The following LONP1 variants were observed in gnomAD, a reference collection of about 807,000 sequenced individuals.
LONP1 encodes the protein lon protease homolog, mitochondrial.
LONP1 carries 31 observed loss-of-function variants against 98.5 expected under a neutral mutation model. That is an observed-to-expected ratio of 0.31 (90% CI 0.24 to 0.42). LONP1 has a LOEUF of 0.42. Ranked by LOEUF, LONP1 falls within the 20% of genes least tolerant of loss-of-function variation. The pLI is 1.00. For synonymous variants in LONP1, 781 were observed against 594.7 expected (o/e 1.31, Z -4.56); for missense variants, 1,336 against 1,350.6 (o/e 0.99, Z 0.17).
At chr19:5,701,155 C>T (rs2055033991) in intron 8 of LONP1, among the ~76,000 whole-genome samples, 1 of 152,156 alleles carries the variant, frequency 6.6e-6, no homozygotes, top group South Asian at 2.1e-4. Flanking sequence ...CTCTATAAAA[C>T]AATTTACAGG....
intron 10 of LONP1, among the ~76,000 whole-genome samples, chr19:5,697,780 G>C (rs932425292): frequency 6.6e-6 from 1 of 151,960 alleles, no homozygotes; most frequent in African/African-American, 2.4e-5. Flanking sequence ...GGAACCCAGA[G>C]ACGTCAGCAG....
At chr19:5,716,259 C>CATACATAT (rs1555714148) in intron 1 of LONP1, among the ~76,000 whole-genome samples, 4 of 77,218 alleles carry the variant, frequency 5.2e-5, no homozygotes, top group Admixed American at 1.5e-4. Context: ...TTAAAATATA[C>CATACATAT]ATATATATAT....
chr19:5,696,398 C>G, intron 11 of LONP1, 27 bp from the exon 12 acceptor site: 1 of 1,608,202 alleles, frequency 6.2e-7, no homozygotes. Context: ...CAGGTGGTGC[C>G]CCTCGCCGTG....
chr19:5,711,287 G>A (rs2055233278), intron 4 of LONP1, among the ~76,000 whole-genome samples: 1 of 152,214 alleles, frequency 6.6e-6, no homozygotes, highest in Non-Finnish European at 1.5e-5. Flanking sequence ...ACAGCGGGAG[G>A]GCAGGTGGCA....
Position 5,719,770 on chromosome 19 carries a change from A to G in LONP1, c.363T>C (p.Phe121=), listed in dbSNP as rs778657113. The G allele has an allele frequency of 2.5e-6, 4 of 1,613,332 alleles. No individual in the cohort carries two copies. Among genetic ancestry groups the G allele is most frequent in the Non-Finnish European group, 3.4e-6 (4 of 1,179,990 alleles). ...TGATGGCGATGAGCGGCAGGTGCGG[A>G]AACACATCGGGGATCGTCATGGGCG... ...ALTPMTIPDV[F]PHLPLIAITR... The change falls in exon 1 of 18, where the codon TTT becomes TTC. Residue 121 remains phenylalanine (F), a synonymous_variant. Coordinates refer to ENST00000360614, the MANE Select transcript of LONP1 (RefSeq NM_004793.4).
At chr19:5,700,485 C>T (rs2055020380) in intron 9 of LONP1, among the ~76,000 whole-genome samples, 1 of 152,094 alleles carries the variant, frequency 6.6e-6, no homozygotes, top group South Asian at 2.1e-4. Flanking sequence ...GGCATGATCA[C>T]AGCTCACCAC....
In LONP1 at chr19:5,693,671, C is replaced by T. The variant is rs745582523; in HGVS notation, c.2419G>A (p.Gly807Arg). The change falls in exon 16 of 18, where the codon GGG becomes AGG. Residue 807 changes from glycine (G) to arginine (R), a missense_variant. By Grantham distance (125) the Gly-to-Arg change is moderately radical. Around this residue, in one of 5 missense-constraint regions of LONP1, gnomAD observed 555 missense variants for 542.6 expected, o/e 1.02. Transcript: ENST00000360614. ...DGSLEVTGQL[G>R]EVMKESARIA... Reference sequence around the variant, plus strand: ...CGGGCGCTCTCCTTCATCACCTCCCCCAGCTGGCCTGTCACCTCCAGGCTG... The same window carrying T: ...CGGGCGCTCTCCTTCATCACCTCCCTCAGCTGGCCTGTCACCTCCAGGCTG... 2.5e-6 allele frequency: 4 copies of T among 1,614,134 alleles called. No individual in the cohort carries two copies. Among genetic ancestry groups the T allele is most frequent in the East Asian group, 2.2e-5 (1 of 44,876 alleles).
chr19:5,695,196 C>T (rs1475884137), intron 13 of LONP1, among the ~76,000 whole-genome samples: 1 of 152,128 alleles, frequency 6.6e-6, no homozygotes, highest in Non-Finnish European at 1.5e-5. Flanking sequence ...GCCCCATACA[C>T]AGACCCAGGG....
chr19:5,692,823 CCTGA>C (rs563008159), intron 17 of LONP1, among the ~76,000 whole-genome samples: 242 of 152,236 alleles, frequency 1.6e-3, no homozygotes, highest in Non-Finnish European at 2.4e-3. Flanking sequence ...GGTGGCATCT[CCTGA>C]CTGACTGCAC....
At position 5,696,238 on chromosome 19, in the gene LONP1, A is replaced by G. The variant is rs199645764; in HGVS notation, c.1896+11T>C. The G allele has an allele frequency of 6.8e-6, 11 of 1,612,996 alleles. No individual in the cohort carries two copies. Among genetic ancestry groups the G allele is most frequent in the African/African-American group, 2.7e-5 (2 of 75,044 alleles). On this transcript the variant is annotated intron_variant, in intron 12 of 17. Transcript: ENST00000360614. ...TCCCCAGCAAGCCCAGGCCCCAGAC[A>G]GGCCCCCCACCTTGGACAAGTCCAC...
chr19:5,705,426 C>G (rs2055128318), intron 8 of LONP1, among the ~76,000 whole-genome samples: 1 of 148,706 alleles, frequency 6.7e-6, no homozygotes, highest in South Asian at 2.1e-4. Flanking sequence ...CCACTGCACT[C>G]CAGTCTGGAC....
chr19:5,707,915 CCT>C (rs943864955), intron 5 of LONP1, 89 bp from the exon 6 acceptor site: 13 of 1,488,116 alleles, frequency 8.7e-6, no homozygotes, highest in African/African-American at 6.9e-5. Context: ...CCTCAGGGTC[CCT>C]GTCCCCTGTA....
At chr19:5,719,662 C>A (rs370750126) in intron 1 of LONP1, 42 bp downstream of exon 1, 1 of 1,613,288 alleles carries the variant, frequency 6.2e-7, no homozygotes. Context: ...CCGCTGCTTG[C>A]ACAGGTGGGA....
chr19:5,715,345 T>G (rs968753946), intron 1 of LONP1, among the ~76,000 whole-genome samples: 1 of 151,732 alleles, frequency 6.6e-6, no homozygotes, highest in Non-Finnish European at 1.5e-5. Flanking sequence ...TTTTTTTTTT[T>G]TTTTAATAAA....
chr19:5,711,640 G>A (rs2055238359), intron 4 of LONP1, 131 bp downstream of exon 4: 2 of 712,978 alleles, frequency 2.8e-6, no homozygotes, highest in Admixed American at 2.6e-5. Flanking sequence ...TTAGAATTGA[G>A]TTCCAGACAG....
At chr19:5,696,567 T>C (rs971727543) in intron 11 of LONP1, 103 bp downstream of exon 11, 13 of 1,328,760 alleles carry the variant, frequency 9.8e-6, no homozygotes, top group African/African-American at 8.7e-5. Context: ...ATCACGGCGA[T>C]GGCCCCTGAG....
At chr19:5,702,015 C>T (rs1243169613) in intron 8 of LONP1, among the ~76,000 whole-genome samples, 4 of 151,702 alleles carry the variant, frequency 2.6e-5, no homozygotes, top group Non-Finnish European at 4.4e-5. Flanking sequence ...GCCTGGCAAC[C>T]GACCCGTCTG....
chr19:5,716,259 C>CATATATATATATATACAT (rs2055318154), intron 1 of LONP1, among the ~76,000 whole-genome samples: 1 of 77,234 alleles, frequency 1.3e-5, no homozygotes, highest in Non-Finnish European at 2.3e-5. Flanking sequence ...TTAAAATATA[C>CATATATATATATATACAT]ATATATATAT....
rs2055316094 is a variant in LONP1 at position 5,716,251 on chromosome 19, AAAATATAC to A, written c.430-1988_430-1981del. Among the ~76,000 whole-genome samples the A allele has an allele frequency of 2.4e-5, 2 of 84,236 alleles. 1 individual carries two copies. Among genetic ancestry groups the A allele is most frequent in the Non-Finnish European group, 4.6e-5 (2 of 43,148 alleles). 55.3% of individuals were successfully genotyped at this position (84,236 alleles called of 152,430 possible). A position where few individuals can be genotyped will look rare whatever the true frequency, so the allele number is the denominator to read the frequency against. On this transcript the variant is annotated intron_variant, in intron 1 of 17. Coordinates refer to ENST00000360614, the MANE Select transcript of LONP1 (RefSeq NM_004793.4). ...TAATTCTTTATTATATAATAAAGTT[AAAATATAC>A]ATATATATATATATATATATATATA...
Sources: gnomAD v4.1 joint callset for allele counts (sites outside exome capture counted in the v4.1 genomes callset) on GRCh38, gnomAD v4.1.1 for gene constraint, gnomAD v4.1.1 regional missense constraint, MANE v1.5 for transcripts, NCBI Gene and HGNC (gene_info 2026-07-23, HGNC 2026-07-21) for gene names.